Variants in HEMK2 observed in about 807,000 individuals in gnomAD.
HEMK2 encodes HemK methyltransferase 2, ETF1 glutamine and histone H4 lysine, also known as methyltransferase HEMK2.
chr21:28,605,323 A>G, the HEMK2 span, among the ~76,000 whole-genome samples: 1 of 152,224 alleles, frequency 6.6e-6, no homozygotes, highest in African/African-American at 2.4e-5. Context: ...TCCTCTGTGT[A>G]GTGGTTTCGT....
chr21:28,643,232 C>T, the HEMK2 span, among the ~76,000 whole-genome samples: 1 of 152,158 alleles, frequency 6.6e-6, no homozygotes, highest in African/African-American at 2.4e-5. Flanking sequence ...AATTCATATG[C>T]AGAAATCTTC....
the HEMK2 span, among the ~76,000 whole-genome samples, chr21:28,652,693 A>C: frequency 6.6e-6 from 1 of 152,158 alleles, no homozygotes; most frequent in East Asian, 1.9e-4. Flanking sequence ...AAGAAAATAA[A>C]TAACATTATT....
chr21:28,733,989 G>GTTCATTTACCCCCTTCCCAGCAACAGC, the HEMK2 span, among the ~76,000 whole-genome samples: 1 of 152,222 alleles, frequency 6.6e-6, no homozygotes, highest in Non-Finnish European at 1.5e-5. Flanking sequence ...TTTAGGGATG[G>GTTCATTTACCCCCTTCCCAGCAACAGC]AGAAAAGCCA....
the HEMK2 span, among the ~76,000 whole-genome samples, chr21:28,602,677 T>C: frequency 6.6e-6 from 1 of 152,202 alleles, no homozygotes; most frequent in Admixed American, 6.5e-5. Flanking sequence ...GCAAGACTCC[T>C]GAGCCAATAG....
chr21:28,662,651 G>A, the HEMK2 span, among the ~76,000 whole-genome samples: 199 of 152,194 alleles, frequency 1.3e-3, 1 homozygote, highest in Non-Finnish European at 2.5e-3. Context: ...TCGTAATAGT[G>A]AGTGACTTCT....
the HEMK2 span, among the ~76,000 whole-genome samples, chr21:28,703,785 C>T: frequency 2.6e-5 from 4 of 152,154 alleles, no homozygotes; most frequent in East Asian, 1.9e-4. Flanking sequence ...GAAGTACATT[C>T]GTCCCGTGTA....
the HEMK2 span, among the ~76,000 whole-genome samples, chr21:28,747,710 T>C: frequency 0.19 from 29,456 of 152,156 alleles, 3,562 homozygotes; most frequent in African/African-American, 0.34. Flanking sequence ...AAAACAAAAT[T>C]GTATCCTTTG....
At chr21:28,787,358 T>C in the HEMK2 span, among the ~76,000 whole-genome samples, 3 of 151,910 alleles carry the variant, frequency 2.0e-5, no homozygotes, top group Admixed American at 2.0e-4. Flanking sequence ...CAAAAAGAAA[T>C]AGCTAGCACC....
the HEMK2 span, among the ~76,000 whole-genome samples, chr21:28,634,602 A>C: frequency 6.6e-6 from 1 of 152,160 alleles, no homozygotes; most frequent in African/African-American, 2.4e-5. Flanking sequence ...TCTCTACTGA[A>C]AGACAGTATG....
the HEMK2 span, among the ~76,000 whole-genome samples, chr21:28,829,133 G>A: frequency 1.3e-5 from 2 of 152,116 alleles, no homozygotes; most frequent in African/African-American, 2.4e-5. Context: ...CATTTTTAAC[G>A]ATTTTGATGA....
At chr21:28,841,425 AAAATATATATATT>A in the HEMK2 span, among the ~76,000 whole-genome samples, 710 of 38,950 alleles carry the variant, frequency 0.018, 67 homozygotes, top group Admixed American at 0.026. Context: ...TTATATATAT[AAAATATATATATT>A]ATATATAAAA....
At chr21:28,861,878 A>G in the HEMK2 span, among the ~76,000 whole-genome samples, 1 of 152,142 alleles carries the variant, frequency 6.6e-6, no homozygotes, top group Admixed American at 6.5e-5. Context: ...TCAGCTACCA[A>G]ATTTTTTGCT....
chr21:28,638,728 G>T, the HEMK2 span, among the ~76,000 whole-genome samples: 1 of 152,162 alleles, frequency 6.6e-6, no homozygotes, highest in African/African-American at 2.4e-5. Context: ...GCAGCTAGAT[G>T]ATCCAGGCTG....
chr21:28,709,475 G>T, the HEMK2 span, among the ~76,000 whole-genome samples: 6 of 152,050 alleles, frequency 3.9e-5, no homozygotes, highest in Non-Finnish European at 7.4e-5. Flanking sequence ...ATTTCCAACC[G>T]GCTGTTATAA....
the HEMK2 span, among the ~76,000 whole-genome samples, chr21:28,772,763 T>C: frequency 1.3e-5 from 2 of 152,136 alleles, no homozygotes; most frequent in East Asian, 1.9e-4. Flanking sequence ...ATTAACCAAA[T>C]GTGCTTCTCT....
chr21:28,810,920 C>A, the HEMK2 span, among the ~76,000 whole-genome samples: 4 of 152,264 alleles, frequency 2.6e-5, no homozygotes, highest in African/African-American at 9.6e-5. Context: ...GTTTGAATAA[C>A]AAGTGTATGC....
the HEMK2 span, among the ~76,000 whole-genome samples, chr21:28,716,465 A>G: frequency 6.6e-6 from 1 of 152,000 alleles, no homozygotes; most frequent in East Asian, 1.9e-4. Context: ...AATGCTACTG[A>G]TTTTTCTACT....
chr21:28,823,697 T>G, the HEMK2 span, among the ~76,000 whole-genome samples: 1 of 152,168 alleles, frequency 6.6e-6, no homozygotes, highest in Non-Finnish European at 1.5e-5. Flanking sequence ...ACAGATAAGT[T>G]AAAAAGTAGC....
At chr21:28,846,640 T>C in the HEMK2 span, among the ~76,000 whole-genome samples, 1 of 151,090 alleles carries the variant, frequency 6.6e-6, no homozygotes, top group Admixed American at 6.6e-5. Context: ...CAATTTTTTT[T>C]AACCTTTATT....
Sources: gnomAD v4.1 joint callset for allele counts (sites outside exome capture counted in the v4.1 genomes callset) on GRCh38, gnomAD v4.1.1 for gene constraint, MANE v1.5 for transcripts, NCBI Gene and HGNC (gene_info 2026-07-23, HGNC 2026-07-21) for gene names.